The following ZNF652 variants were observed in gnomAD, a reference collection of about 807,000 sequenced individuals.
ZNF652 encodes the protein zinc finger protein 652.
A neutral mutation model predicts 45.2 loss-of-function variants in ZNF652; 16 were observed. That is an observed-to-expected ratio of 0.35 (90% CI 0.24 to 0.54). The LOEUF (loss-of-function observed/expected upper bound fraction) is 0.54, where lower values mean the gene tolerates loss of function less well. Among genes scored for constraint, ZNF652 ranks in the 20% least tolerant of loss-of-function variants. The pLI, the probability that ZNF652 is intolerant of heterozygous loss-of-function variation, is 0.91. For synonymous variants in ZNF652, 250 were observed against 260.6 expected (o/e 0.96, Z 0.39); for missense variants, 614 against 765.6 (o/e 0.80, Z 2.34).
chr17:49,353,661 A>C (rs2070305734), intron 1 of ZNF652, among the ~76,000 whole-genome samples: 1 of 152,172 alleles, frequency 6.6e-6, no homozygotes, highest in Non-Finnish European at 1.5e-5. Flanking sequence ...ACAGAATGAA[A>C]ATTCTAACAG....
At chr17:49,355,854 CACCATTTGT>C in intron 1 of ZNF652, among the ~76,000 whole-genome samples, 1 of 151,840 alleles carries the variant, frequency 6.6e-6, no homozygotes, top group South Asian at 2.1e-4. Flanking sequence ...GCCGAGATTG[CACCATTTGT>C]ACTGAAGCCT....
intron 1 of ZNF652, among the ~76,000 whole-genome samples, chr17:49,322,769 G>A (rs768835760): frequency 4.6e-5 from 7 of 152,100 alleles, no homozygotes; most frequent in East Asian, 1.9e-4. Context: ...CCTGTAGTCC[G>A]AGCTACTCGG....
rs2069825926 is a variant in ZNF652 at position 49,317,533 on chromosome 17, T to C, written c.193A>G (p.Thr65Ala). The stretch of plus-strand genomic sequence containing the variant: ...TGGAGATGCGGTTTGCTCATCTTGG[T>C]GTCCACTAACACAGAATAAGGACTT... Reference protein sequence around the residue: ...SGSPYSVLVDTKMSKPHLHET... With the variant: ...SGSPYSVLVDAKMSKPHLHET... Residue 65 changes from threonine to alanine, a missense_variant, in exon 2 of 6, where the codon ACC becomes GCC. Transcript: ENST00000430262. The C allele has an allele frequency of 4.3e-6, 7 of 1,614,148 alleles. No homozygotes were observed. Among genetic ancestry groups the C allele is most frequent in the Non-Finnish European group, 5.9e-6 (7 of 1,180,000 alleles).
intron 1 of ZNF652, among the ~76,000 whole-genome samples, chr17:49,332,335 C>G (rs1015523583): frequency 4.6e-5 from 7 of 152,178 alleles, no homozygotes; most frequent in African/African-American, 7.2e-5. Context: ...AATAAATAGT[C>G]TAAAACAAAA....
At chr17:49,304,043 C>T (rs2069591661) in intron 5 of ZNF652, among the ~76,000 whole-genome samples, 1 of 144,610 alleles carries the variant, frequency 6.9e-6, no homozygotes, top group South Asian at 2.3e-4. Context: ...CGCCCGCCAC[C>T]ATGCCTGGCT....
At chr17:49,311,603 G>T in intron 4 of ZNF652, 147 bp from the exon 5 acceptor site, 2 of 884,316 alleles carry the variant, frequency 2.3e-6, no homozygotes, top group Non-Finnish European at 3.3e-6. Context: ...CTATATTTCT[G>T]CAGGTGAGTT....
At chr17:49,334,176 T>C (rs2070056596) in intron 1 of ZNF652, among the ~76,000 whole-genome samples, 1 of 152,156 alleles carries the variant, frequency 6.6e-6, no homozygotes, top group Admixed American at 6.5e-5. Flanking sequence ...TGGAATATTA[T>C]CTGCTATAAA....
intron 1 of ZNF652, among the ~76,000 whole-genome samples, chr17:49,339,218 T>C (rs1228078197): frequency 6.7e-6 from 1 of 148,674 alleles, no homozygotes; most frequent in Non-Finnish European, 1.5e-5. Context: ...TTTTTTTTTT[T>C]TGAGACGTAG....
intron 1 of ZNF652, among the ~76,000 whole-genome samples, chr17:49,350,541 C>CA (rs11349262): frequency 3.3e-4 from 45 of 135,702 alleles, no homozygotes; most frequent in East Asian, 1.6e-3. Context: ...GACTCCGCCT[C>CA]AAAAAAAAAA....
At chr17:49,343,965 G>A (rs539403783) in intron 1 of ZNF652, among the ~76,000 whole-genome samples, 4 of 152,242 alleles carry the variant, frequency 2.6e-5, no homozygotes, top group South Asian at 2.1e-4. Context: ...TTGGGAGGCC[G>A]AGGCGGGTGG....
intron 5 of ZNF652, among the ~76,000 whole-genome samples, chr17:49,300,707 G>A (rs778459839): frequency 2.0e-5 from 3 of 152,084 alleles, no homozygotes; most frequent in African/African-American, 7.2e-5. Flanking sequence ...CTATAAGAGC[G>A]TTGCTGTCAC....
chr17:49,329,580 A>G (rs1284577863), intron 1 of ZNF652, among the ~76,000 whole-genome samples: 1 of 152,252 alleles, frequency 6.6e-6, no homozygotes, highest in Non-Finnish European at 1.5e-5. Context: ...CTACAGTCTC[A>G]TCTAATAAAA....
At chr17:49,334,005 T>C (rs1456723956) in intron 1 of ZNF652, among the ~76,000 whole-genome samples, 1 of 152,104 alleles carries the variant, frequency 6.6e-6, no homozygotes, top group Non-Finnish European at 1.5e-5. Flanking sequence ...AACATATGAC[T>C]CAGCAATTCC....
chr17:49,311,817 G>A, intron 4 of ZNF652, 110 bp downstream of exon 4: 1 of 887,910 alleles, frequency 1.1e-6, no homozygotes. Flanking sequence ...TGAAAGTTCT[G>A]TGGAAGGCAG....
intron 1 of ZNF652, among the ~76,000 whole-genome samples, chr17:49,352,158 T>C (rs1253880247): frequency 2.0e-5 from 3 of 152,174 alleles, no homozygotes; most frequent in African/African-American, 7.2e-5. Context: ...ATTTAAAATA[T>C]CAAGTTATTT....
intron 2 of ZNF652, among the ~76,000 whole-genome samples, chr17:49,316,251 T>C (rs2069803010): frequency 6.6e-6 from 1 of 152,222 alleles, no homozygotes; most frequent in Non-Finnish European, 1.5e-5. Context: ...GTGGGCAACA[T>C]TTTCGACCAG....
intron 1 of ZNF652, among the ~76,000 whole-genome samples, chr17:49,344,828 C>G (rs1359206125): frequency 6.6e-6 from 1 of 152,028 alleles, no homozygotes; most frequent in East Asian, 1.9e-4. Flanking sequence ...CCCATCAAAG[C>G]AAATTTTCTA....
chr17:49,302,353 A>G (rs576071266), intron 5 of ZNF652, among the ~76,000 whole-genome samples: 2 of 143,256 alleles, frequency 1.4e-5, no homozygotes, highest in East Asian at 4.6e-4. Flanking sequence ...CAGTGGTGCA[A>G]TCTCGGCTCA....
intron 1 of ZNF652, among the ~76,000 whole-genome samples, chr17:49,332,704 CTCCTGGCCTCAAAT>C (rs1274493199): frequency 1.3e-5 from 2 of 152,102 alleles, no homozygotes; most frequent in African/African-American, 4.8e-5. Context: ...TGGTCTCAAA[CTCCTGGCCTCAAAT>C]GATCCTCCTG....
Sources: allele counts gnomAD v4.1 joint callset (sites outside exome capture counted in the v4.1 genomes callset), GRCh38; gene constraint gnomAD v4.1.1; transcripts MANE v1.5; gene names NCBI Gene and HGNC (gene_info 2026-07-23, HGNC 2026-07-21).